The following DDX24 variants were observed in gnomAD, a reference collection of about 807,000 sequenced individuals.
The protein encoded by DDX24 is ATP-dependent RNA helicase DDX24.
In DDX24, 24 loss-of-function variants were observed where a neutral mutation model predicts 68.9. That is an observed-to-expected ratio of 0.35 (90% confidence interval 0.25 to 0.49). DDX24 has a LOEUF of 0.49. DDX24 is among the 20% of genes least tolerant of loss of function. DDX24 has a pLI of 0.99. For missense variants in DDX24, 989 were observed against 1,039.0 expected (o/e 0.95, Z 0.66); for synonymous variants, 395 against 385.2 (o/e 1.03, Z -0.30).
At chr14:94,073,118 C>T (rs559321386) in intron 2 of DDX24, among the ~76,000 whole-genome samples, 3 of 142,868 alleles carry the variant, frequency 2.1e-5, no homozygotes, top group Non-Finnish European at 3.0e-5. Flanking sequence ...TAGAGTCTCA[C>T]TCTGTCACCC....
intron 5 of DDX24, 53 bp from the exon 6 acceptor site, chr14:94,057,950 A>G: frequency 6.4e-7 from 1 of 1,555,768 alleles, no homozygotes. Context: ...ATCTTTAATC[A>G]AATTCTTACC....
chr14:94,065,634 A>G (rs535730988), intron 2 of DDX24, among the ~76,000 whole-genome samples: 17 of 152,296 alleles, frequency 1.1e-4, no homozygotes, highest in South Asian at 8.3e-4. Flanking sequence ...CTCTGAAGGA[A>G]CTGGACTGCT....
chr14:94,052,790 A>C (rs1401445950), intron 8 of DDX24, among the ~76,000 whole-genome samples: 2 of 152,180 alleles, frequency 1.3e-5, no homozygotes, highest in East Asian at 3.9e-4. Flanking sequence ...ATGTAAGAGG[A>C]GGCAGCTGAG....
chr14:94,075,476 C>G (rs1463885977), intron 2 of DDX24, among the ~76,000 whole-genome samples: 1 of 152,128 alleles, frequency 6.6e-6, no homozygotes, highest in Admixed American at 6.6e-5. Flanking sequence ...TTGATCCATA[C>G]TTCTCACTCT....
intron 2 of DDX24, among the ~76,000 whole-genome samples, chr14:94,074,673 A>G (rs1160953706): frequency 6.6e-6 from 1 of 152,210 alleles, no homozygotes; most frequent in Non-Finnish European, 1.5e-5. Flanking sequence ...AATAATGCCC[A>G]CTTTACCACT....
Position 94,062,091 on chromosome 14 carries a change from C to A in DDX24, c.1243+6G>T, listed in dbSNP as rs114338222. The A allele has an allele frequency of 2.6e-3, 4,125 of 1,601,468 alleles. 82 individuals are homozygous for A. In the African/African-American group the frequency reaches 0.043, roughly 17 times the overall value. On this transcript the variant is annotated splice_donor_region_variant and intron_variant, in intron 3 of 8. Transcript: ENST00000621632. ...AAAATATTTATTAAATGGAACTAAACCTCACCTGTAAACCTGGCCACAGCA... is the reference window on the plus strand; with the variant it reads ...AAAATATTTATTAAATGGAACTAAAACTCACCTGTAAACCTGGCCACAGCA...
intron 6 of DDX24, chr14:94,055,778 TG>T (rs1179544556): frequency 6.6e-6 from 1 of 152,472 alleles, no homozygotes; most frequent in Non-Finnish European, 1.5e-5. Flanking sequence ...TTTAGTGACT[TG>T]CCCTCAACTT....
intron 2 of DDX24, among the ~76,000 whole-genome samples, chr14:94,070,356 T>C (rs1438442452): frequency 6.6e-6 from 1 of 151,260 alleles, no homozygotes; most frequent in Admixed American, 6.6e-5. Context: ...CTGAAAGAAA[T>C]CACAGACAAC....
rs1885377752 is a variant in DDX24 at position 94,051,088 on chromosome 14, T to C, written c.*103A>G. ...GTGTGAGTGGAAGAGAGGGAGACTT[T>C]TTTACCTGGGGTTGGTGGTGGAGTG... On this transcript the variant is annotated 3_prime_UTR_variant, in exon 9 of 9. Transcript: ENST00000621632. The C allele has an allele frequency of 2.1e-6, 3 of 1,408,882 alleles. No individual in the cohort carries two copies. The highest frequency in any genetic ancestry group is 1.5e-5 in the African/African-American group (1 of 68,684). 87.3% of individuals were successfully genotyped at this position (1,408,882 alleles called of 1,614,324 possible). A position where few individuals can be genotyped will look rare whatever the true frequency, so the allele number is the denominator to read the frequency against.
Position 94,055,101 on chromosome 14 carries a change from A to G in DDX24, c.2073T>C (p.Ile691=), listed in dbSNP as rs553018329. The change falls in exon 7 of 9, where the codon ATT becomes ATC. Residue 691 remains isoleucine (I), a synonymous_variant. Coordinates refer to ENST00000621632, the MANE Select transcript of DDX24 (RefSeq NM_020414.4). The part of the protein sequence containing the change: ...ATNEGLSLML[I]GPEDVINFKK... ...TAAAGTTGATCACATCCTCAGGCCC[A>G]ATGAGCATCAGACTGAGGCCTTCAT... The G allele has an allele frequency of 2.2e-5, 36 of 1,614,082 alleles. No individual in the cohort carries two copies. The highest frequency in any genetic ancestry group is 2.7e-5 in the African/African-American group (2 of 74,920).
At chr14:94,068,922 A>G (rs1300924382) in intron 2 of DDX24, among the ~76,000 whole-genome samples, 1 of 151,758 alleles carries the variant, frequency 6.6e-6, no homozygotes, top group Non-Finnish European at 1.5e-5. Context: ...GAAAGAGCAC[A>G]AACAGACAAT....
chr14:94,051,870 A>T (rs1296489114), intron 8 of DDX24: 2 of 169,310 alleles, frequency 1.2e-5, no homozygotes, highest in East Asian at 3.4e-4. Context: ...TGAGTTCACA[A>T]TTACAACCCC....
chr14:94,060,675 C>A, intron 4 of DDX24, 62 bp from the exon 5 acceptor site: 2 of 1,563,200 alleles, frequency 1.3e-6, no homozygotes, highest in Non-Finnish European at 1.7e-6. Context: ...TCATCTATAG[C>A]ACACCCTACA....
intron 6 of DDX24, chr14:94,055,513 C>T (rs897773856): frequency 4.0e-5 from 13 of 326,168 alleles, no homozygotes; most frequent in Admixed American, 1.3e-4. Flanking sequence ...CTGGGTTATA[C>T]GGTCTCTACT....
intron 2 of DDX24, among the ~76,000 whole-genome samples, chr14:94,063,059 CA>C (rs1332476281): frequency 6.6e-6 from 1 of 152,120 alleles, no homozygotes; most frequent in East Asian, 1.9e-4. Flanking sequence ...TGAACATTTT[CA>C]AACTGGCCTT....
intron 2 of DDX24, among the ~76,000 whole-genome samples, chr14:94,069,708 T>C (rs1289644348): frequency 6.6e-6 from 1 of 152,170 alleles, no homozygotes; most frequent in Non-Finnish European, 1.5e-5. Flanking sequence ...TGGTTTAACA[T>C]ATGCAAGTCA....
intron 2 of DDX24, among the ~76,000 whole-genome samples, chr14:94,062,863 A>C (rs1885626862): frequency 6.6e-6 from 1 of 152,202 alleles, no homozygotes; most frequent in Non-Finnish European, 1.5e-5. Flanking sequence ...ACGAATTACA[A>C]ATGTCCAAGA....
chr14:94,078,870 T>G (rs1409088753), intron 2 of DDX24, 155 bp downstream of exon 2: 1 of 784,692 alleles, frequency 1.3e-6, no homozygotes, highest in African/African-American at 1.7e-5. Flanking sequence ...GAAGAGCATA[T>G]TTCAAACCAG....
chr14:94,070,468 C>CA (rs1478619393), intron 2 of DDX24, among the ~76,000 whole-genome samples: 15 of 152,098 alleles, frequency 9.9e-5, no homozygotes, highest in African/African-American at 3.6e-4. Flanking sequence ...GCAATCTCAT[C>CA]AAAATACCAC....
Sources: allele counts gnomAD v4.1 joint callset (sites outside exome capture counted in the v4.1 genomes callset), GRCh38; gene constraint gnomAD v4.1.1; transcripts MANE v1.5; gene names NCBI Gene and HGNC (gene_info 2026-07-23, HGNC 2026-07-21).